Variants in DLG1 observed in about 807,000 individuals in gnomAD.
DLG1 encodes discs large MAGUK scaffold protein 1.
DLG1 carries 42 observed loss-of-function variants against 123.4 expected under a neutral mutation model. The observed-to-expected ratio is 0.34, with a 90% CI of 0.27 to 0.44. DLG1 has a LOEUF of 0.44. Ranked by LOEUF, DLG1 falls within the 20% of genes least tolerant of loss-of-function variation. The probability of loss-of-function intolerance (pLI) is 1.00; values close to 1 mark genes in which losing one functional copy is unlikely to be tolerated. For missense variants in DLG1, 942 were observed against 1,082.6 expected, an observed-to-expected ratio of 0.87 and a Z score of 1.82; for synonymous variants, 317 against 356.2, an observed-to-expected ratio of 0.89 and a Z score of 1.24.
intron 5 of DLG1, among the ~76,000 whole-genome samples, chr3:197,161,966 T>C (rs1001981257): frequency 1.4e-4 from 21 of 152,200 alleles, no homozygotes; most frequent in Admixed American, 3.9e-4. Context: ...AATGAATGCC[T>C]ACTCTTTAGA....
In DLG1 at chr3:197,138,401, CAATT is replaced by C. The variant is rs750702046; in HGVS notation, c.714-14_714-11del. 2.9e-5 allele frequency: 38 copies of C among 1,312,038 alleles called. No homozygotes were observed. The Admixed American group carries it at 1.1e-3, about 38-fold the overall frequency. The allele number at this position is 1,312,038 out of a possible 1,614,324, so 81.3% of individuals were successfully genotyped here. A position where few individuals can be genotyped will look rare whatever the true frequency, so the allele number is the denominator to read the frequency against. The stretch of plus-strand genomic sequence containing the variant: ...TATACAGTCATTGACCCTGAGAAAA[CAATT>C]AAATATTAAAAATAAAAATTAAATA... On this transcript the variant is annotated splice_polypyrimidine_tract_variant and intron_variant, in intron 8 of 24. Coordinates refer to ENST00000667157, the MANE Select transcript of DLG1 (RefSeq NM_001366207.1).
At chr3:197,230,516 TTGTTAC>T (rs1285987858) in intron 4 of DLG1, among the ~76,000 whole-genome samples, 6 of 152,184 alleles carry the variant, frequency 3.9e-5, no homozygotes, top group Admixed American at 6.5e-5. Flanking sequence ...TGCTGAGTTA[TTGTTAC>T]TATCATAAAA....
In DLG1 at chr3:197,293,614, C is replaced by T. The variant is rs553268403; in HGVS notation, c.151+2732G>A. Among the ~76,000 whole-genome samples, 117 of 111,200 alleles carry T rather than the reference C, an allele frequency of 1.1e-3. 1 individual carries two copies. Among genetic ancestry groups the T allele is most frequent in the African/African-American group, 3.8e-3 (109 of 28,434 alleles). 73.0% of individuals were successfully genotyped at this position (111,200 alleles called of 152,430 possible). ...TATGTATCAACTACAGGGGGGGACACCAAACCCCTAGAGACTCAAACTTTT... is the reference window on the plus strand; with the variant it reads ...TATGTATCAACTACAGGGGGGGACATCAAACCCCTAGAGACTCAAACTTTT... On this transcript the variant is annotated intron_variant, in intron 3 of 24. Coordinates refer to ENST00000667157, the MANE Select transcript of DLG1 (RefSeq NM_001366207.1).
chr3:197,270,301 AAATGT>A (rs1763387076), intron 4 of DLG1, among the ~76,000 whole-genome samples: 1 of 152,210 alleles, frequency 6.6e-6, no homozygotes, highest in African/African-American at 2.4e-5. Context: ...ACCCAAACTT[AAATGT>A]ATGTAAACAT....
chr3:197,145,976 A>G lies in DLG1; in HGVS notation c.538-3208T>C, dbSNP rs534214866. 1.7e-4 allele frequency among the ~76,000 whole-genome samples: 26 copies of G among 152,112 alleles called. No homozygotes were observed. The East Asian group carries it at 3.7e-3, about 21-fold the overall frequency. ...CTGTACTCCAACCTGGGCAACAAACAGAGTGAGACACTGTCTCAAATAAAT... is the reference window on the plus strand; with the variant it reads ...CTGTACTCCAACCTGGGCAACAAACGGAGTGAGACACTGTCTCAAATAAAT... On this transcript the variant is annotated intron_variant, in intron 6 of 24. Coordinates refer to ENST00000667157, the MANE Select transcript of DLG1 (RefSeq NM_001366207.1).
intron 8 of DLG1, among the ~76,000 whole-genome samples, chr3:197,138,626 T>C (rs949135240): frequency 6.6e-6 from 1 of 152,064 alleles, no homozygotes; most frequent in African/African-American, 2.4e-5. Flanking sequence ...TAATAGATTA[T>C]ATAAAAATGT....
chr3:197,216,804 A>G (rs1734341142), intron 4 of DLG1, among the ~76,000 whole-genome samples: 1 of 152,358 alleles, frequency 6.6e-6, no homozygotes, highest in African/African-American at 2.4e-5. Flanking sequence ...GCCTTTTCAA[A>G]GAGAGCAGTT....
At chr3:197,093,432 C>A (rs532159660) in intron 14 of DLG1, among the ~76,000 whole-genome samples, 1 of 152,286 alleles carries the variant, frequency 6.6e-6, no homozygotes, top group Non-Finnish European at 1.5e-5. Flanking sequence ...GCTGGGATTA[C>A]CCACTGTGCC....
At chr3:197,265,672 G>T (rs763382853) in intron 4 of DLG1, among the ~76,000 whole-genome samples, 1 of 152,154 alleles carries the variant, frequency 6.6e-6, no homozygotes, top group South Asian at 2.1e-4. Context: ...CAGAGCTCAC[G>T]CAAGGCCAAG....
intron 4 of DLG1, among the ~76,000 whole-genome samples, chr3:197,216,103 G>A (rs1672173866): frequency 6.6e-6 from 1 of 152,058 alleles, no homozygotes; most frequent in African/African-American, 2.4e-5. Flanking sequence ...TTTAAAGATT[G>A]CTTTTCCAAT....
At position 197,260,847 on chromosome 3, in the gene DLG1, A is replaced by G. The variant is rs765123713; in HGVS notation, c.318+21832T>C. ...ACCATTTCAGCAACTGCAGCCTGCA[A>G]AGTAATGACTTTCTCGAGCAGTAAT... is the stretch of plus-strand genomic sequence containing the variant. On this transcript the variant is annotated intron_variant, in intron 4 of 24. Coordinates refer to ENST00000667157, the MANE Select transcript of DLG1 (RefSeq NM_001366207.1). 2.6e-5 allele frequency among the ~76,000 whole-genome samples: 4 copies of G among 151,412 alleles called. No homozygotes were observed. In the South Asian group the frequency reaches 6.3e-4, roughly 24 times the overall value.
At chr3:197,259,328 A>G (rs910818098) in intron 4 of DLG1, among the ~76,000 whole-genome samples, 4 of 152,240 alleles carry the variant, frequency 2.6e-5, no homozygotes, top group Admixed American at 2.6e-4. Flanking sequence ...GTATCCGATC[A>G]GAAACTACTG....
In DLG1 at chr3:197,170,161, T is replaced by C. The variant is rs141371939; in HGVS notation, c.484-20365A>G. ...CACATTTTCTTTATCCAGTCTACCA[T>C]TGATGGGCATTTAGGTTGACTGCAT... On this transcript the variant is annotated intron_variant, in intron 5 of 24. Transcript: ENST00000667157. Among the ~76,000 whole-genome samples, 36 of 152,330 alleles carry C rather than the reference T, an allele frequency of 2.4e-4. No individual in the cohort carries two copies. The East Asian group carries it at 4.4e-3, about 19-fold the overall frequency.
chr3:197,162,225 G>GCCTGTAATTAATT (rs59491063), intron 5 of DLG1, among the ~76,000 whole-genome samples: 36,253 of 151,848 alleles, frequency 0.24, 5,558 homozygotes, highest in East Asian at 0.71. Context: ...GCCTCAACAT[G>GCCTGTAATTAATT]CCTGTAATTA....
intron 5 of DLG1, among the ~76,000 whole-genome samples, chr3:197,174,790 TA>T (rs34068421): frequency 3.0e-4 from 46 of 151,634 alleles, no homozygotes; most frequent in African/African-American, 4.1e-4. Context: ...ACGTGGCTGT[TA>T]AAAAAAAATT....
At chr3:197,256,105 G>A (rs1470218572) in intron 4 of DLG1, among the ~76,000 whole-genome samples, 4 of 152,204 alleles carry the variant, frequency 2.6e-5, no homozygotes, top group African/African-American at 7.2e-5. Flanking sequence ...AGCTTTATTT[G>A]GCATTCTATG....
At chr3:197,170,845 T>A (rs1376686281) in intron 5 of DLG1, among the ~76,000 whole-genome samples, 1 of 152,166 alleles carries the variant, frequency 6.6e-6, no homozygotes, top group Non-Finnish European at 1.5e-5. Flanking sequence ...GTTGTCTTCT[T>A]AGGTTGTCTT....
chr3:197,139,844 AAC>A (rs1357703105), intron 8 of DLG1, among the ~76,000 whole-genome samples: 1 of 152,212 alleles, frequency 6.6e-6, no homozygotes, highest in Non-Finnish European at 1.5e-5. Context: ...TGTATCTGAA[AAC>A]ACAAAGGGAA....
At chr3:197,125,082 G>C (rs995479647) in intron 11 of DLG1, among the ~76,000 whole-genome samples, 2 of 152,120 alleles carry the variant, frequency 1.3e-5, no homozygotes, top group African/African-American at 4.8e-5. Context: ...GTCGAGTTTC[G>C]GGGTAAAAAT....
Sources: gnomAD v4.1 joint callset for allele counts (sites outside exome capture counted in the v4.1 genomes callset) on GRCh38, gnomAD v4.1.1 for gene constraint, MANE v1.5 for transcripts, NCBI Gene and HGNC (gene_info 2026-07-23, HGNC 2026-07-21) for gene names.